The following EYA1 variants were observed in gnomAD, a reference collection of about 807,000 sequenced individuals.
EYA1 encodes EYA transcriptional coactivator and phosphatase 1, also known as protein phosphatase EYA1.
Under a neutral mutation model 82.0 loss-of-function variants are expected in EYA1, and 16 were observed. The ratio of observed to expected loss-of-function variants is 0.20; its 90% CI spans 0.13 to 0.30. The LOEUF is 0.30. Among genes scored for constraint, EYA1 ranks in the 10% least tolerant of loss-of-function variants. The pLI, the probability that EYA1 is intolerant of heterozygous loss-of-function variation, is 1.00. For synonymous variants in EYA1, 261 were observed against 264.4 expected (o/e 0.99, Z 0.12); for missense variants, 633 against 730.7 (o/e 0.87, Z 1.54).
intron 2 of EYA1, among the ~76,000 whole-genome samples, chr8:71,423,957 A>G (rs1017594216): frequency 3.3e-5 from 5 of 152,198 alleles, no homozygotes; most frequent in Non-Finnish European, 2.9e-5. Flanking sequence ...TCATTTGTTA[A>G]TGCTTCTATT....
At chr8:71,517,260 T>A (rs1813038378) in intron 2 of EYA1, among the ~76,000 whole-genome samples, 2 of 152,012 alleles carry the variant, frequency 1.3e-5, no homozygotes, top group African/African-American at 4.8e-5. Flanking sequence ...TCTACAAACA[T>A]CATTTGAGTT....
intron 2 of EYA1, among the ~76,000 whole-genome samples, chr8:71,430,847 T>C (rs1185545136): frequency 6.9e-6 from 1 of 144,198 alleles, no homozygotes; most frequent in African/African-American, 2.6e-5. Context: ...TGGGAGAAGA[T>C]AAGGGGCAAC....
intron 2 of EYA1, among the ~76,000 whole-genome samples, chr8:71,498,030 C>T (rs1396558006): frequency 6.6e-6 from 1 of 151,546 alleles, no homozygotes; most frequent in Non-Finnish European, 1.5e-5. Context: ...TAGAATGGTA[C>T]AGGGACTAGG....
Position 71,459,375 on chromosome 8 carries a change from A to C in EYA1, c.33+76369T>G, listed in dbSNP as rs78343200. On this transcript the variant is annotated intron_variant, in intron 2 of 18. Transcript: ENST00000643681. ...CGCTTCATGGGTATACTGGATTTCA[A>C]AACACCTCCAGCTGTTTTGTCTTTA... Among the ~76,000 whole-genome samples the C allele has an allele frequency of 7.8e-3, 1,194 of 152,292 alleles. 4 individuals carry two copies. Among genetic ancestry groups the C allele is most frequent in the Admixed American group, 0.02 (307 of 15,296 alleles).
At chr8:71,547,872 C>T (rs1815793057) in exon 1 of EYA1, 1 of 151,614 alleles carries the variant, frequency 6.6e-6, no homozygotes, top group Non-Finnish European at 1.5e-5. Flanking sequence ...ACTTGTGTCA[C>T]AACTGCGGCG....
At chr8:71,288,001 G>A in intron 9 of EYA1, among the ~76,000 whole-genome samples, 1 of 152,052 alleles carries the variant, frequency 6.6e-6, no homozygotes, top group East Asian at 1.9e-4. Flanking sequence ...GAGTGACAGA[G>A]CCAGAATTCA....
At position 71,496,480 on chromosome 8, in the gene EYA1, C is replaced by T. The variant is rs576423648; in HGVS notation, c.33+39264G>A. ...GCTGTAATTTCTATTTATATCTAAG[C>T]GAAACGTTATAGCTCTGTGTTAAAT... On this transcript the variant is annotated intron_variant, in intron 2 of 18. Transcript: ENST00000643681. 5.9e-5 allele frequency among the ~76,000 whole-genome samples: 9 copies of T among 152,226 alleles called. No individual in the cohort carries two copies. The South Asian group carries it at 6.2e-4, about 11-fold the overall frequency.
At chr8:71,378,946 A>G (rs886365833) in intron 2 of EYA1, among the ~76,000 whole-genome samples, 3 of 152,208 alleles carry the variant, frequency 2.0e-5, no homozygotes, top group African/African-American at 7.2e-5. Context: ...AAATTCTGTA[A>G]ATTGACTTTT....
chr8:71,298,973 T>C (rs1819887622), intron 9 of EYA1, 74 bp downstream of exon 9: 1 of 1,468,726 alleles, frequency 6.8e-7, no homozygotes, highest in African/African-American at 1.4e-5. Flanking sequence ...ACTGCATGAA[T>C]ATATGACTGT....
intron 3 of EYA1, among the ~76,000 whole-genome samples, chr8:71,340,959 A>G (rs1825058058): frequency 6.6e-6 from 1 of 152,214 alleles, no homozygotes; most frequent in Non-Finnish European, 1.5e-5. Flanking sequence ...TGTTTATGCT[A>G]AAAACAAGAT....
chr8:71,490,682 A>G (rs1382521205), intron 2 of EYA1, among the ~76,000 whole-genome samples: 1 of 152,244 alleles, frequency 6.6e-6, no homozygotes, highest in Non-Finnish European at 1.5e-5. Flanking sequence ...ATTGTGTAAC[A>G]TGTCTTAAAA....
In EYA1 at chr8:71,354,705, C is replaced by A. The variant is rs866818851; in HGVS notation, c.124+77G>T. ...GTTTTATGATTTTGACAACTGAAAT[C>A]ATAACCACCTAATAACAAAGCATAT... On this transcript the variant is annotated intron_variant, in intron 3 of 17. Coordinates refer to ENST00000340726, the MANE Select transcript of EYA1 (RefSeq NM_000503.6). The A allele has an allele frequency of 2.5e-5, 36 of 1,444,426 alleles. No individual in the cohort carries two copies. The African/African-American group carries it at 3.4e-4, about 14-fold the overall frequency. The allele number at this position is 1,444,426 out of a possible 1,614,324, so 89.5% of individuals were successfully genotyped here.
chr8:71,455,293 G>A (rs1048565443), intron 2 of EYA1, among the ~76,000 whole-genome samples: 1 of 152,174 alleles, frequency 6.6e-6, no homozygotes, highest in East Asian at 1.9e-4. Flanking sequence ...AAAAGTCCAG[G>A]ACCAGACAGA....
chr8:71,364,495 A>G (rs1372834173), upstream of EYA1, among the ~76,000 whole-genome samples: 1 of 152,118 alleles, frequency 6.6e-6, no homozygotes, highest in East Asian at 1.9e-4. Flanking sequence ...TATAGTATGT[A>G]ACGTAACCAT....
Position 71,327,091 on chromosome 8 carries a change from G to T in EYA1, c.203-4823C>A, listed in dbSNP as rs1586380469. Among the ~76,000 whole-genome samples the T allele has an allele frequency of 3.3e-5, 5 of 152,136 alleles. No individual in the cohort carries two copies. The South Asian group carries it at 1.0e-3, about 32-fold the overall frequency. On this transcript the variant is annotated intron_variant, in intron 4 of 17. Transcript: ENST00000340726. ...TTTTGTTTTCTTCTTAGCAGTTTTA[G>T]TTGTCTATTTACATACACCAGCACT...
At chr8:71,520,815 T>A (rs1433170641) in intron 2 of EYA1, among the ~76,000 whole-genome samples, 3 of 152,094 alleles carry the variant, frequency 2.0e-5, no homozygotes, top group Non-Finnish European at 4.4e-5. Context: ...TTCAAAAATA[T>A]ATGCGTGCAA....
At chr8:71,528,117 C>G (rs530758179) in intron 2 of EYA1, among the ~76,000 whole-genome samples, 1 of 152,172 alleles carries the variant, frequency 6.6e-6, no homozygotes, top group Non-Finnish European at 1.5e-5. Flanking sequence ...AGCTCTCACA[C>G]TCCTGCATGT....
At chr8:71,477,626 G>T (rs997851671) in intron 2 of EYA1, among the ~76,000 whole-genome samples, 1 of 151,968 alleles carries the variant, frequency 6.6e-6, no homozygotes, top group East Asian at 1.9e-4. Context: ...TGCAGTGGGG[G>T]ATGTGCAATG....
chr8:71,517,496 CT>C, intron 2 of EYA1, among the ~76,000 whole-genome samples: 1 of 151,574 alleles, frequency 6.6e-6, no homozygotes, highest in Non-Finnish European at 1.5e-5. Context: ...AATGACAAAT[CT>C]ATGAATGCTG....
Sources: allele counts gnomAD v4.1 joint callset (sites outside exome capture counted in the v4.1 genomes callset), GRCh38; gene constraint gnomAD v4.1.1; transcripts MANE v1.5; gene names NCBI Gene and HGNC (gene_info 2026-07-23, HGNC 2026-07-21).